Variants in GRPR observed in about 807,000 individuals in gnomAD.
GRPR encodes gastrin releasing peptide receptor.
In GRPR, 4 loss-of-function variants were observed where a neutral mutation model predicts 15.6. The ratio of observed to expected loss-of-function variants is 0.26; its 90% CI spans 0.13 to 0.59. The LOEUF (loss-of-function observed/expected upper bound fraction) is 0.59. GRPR is among the 20% of genes least tolerant of loss of function. The pLI is 0.90. For synonymous variants in GRPR, 128 were observed against 126.8 expected (o/e 1.01, Z -0.06); for missense variants, 270 against 304.1 (o/e 0.89, Z 0.83).
rs925139867 is a variant in GRPR at position 16,141,453 on chromosome X, C to G, written c.414-8852C>G. Among the ~76,000 whole-genome samples the G allele has an allele frequency of 5.0e-4, 56 of 112,194 alleles. 1 individual carries two copies. The highest frequency in any genetic ancestry group is 1.7e-3 in the African/African-American group (54 of 30,877). On this transcript the variant is annotated intron_variant, in intron 1 of 2. Coordinates refer to ENST00000380289, the MANE Select transcript of GRPR (RefSeq NM_005314.3). ...CTAGCCTTGTTCCAGCCTCTGGTTTCTAGTCCTTCACTGGTGCCATTTTTC... is the reference window on the plus strand; with the variant it reads ...CTAGCCTTGTTCCAGCCTCTGGTTTGTAGTCCTTCACTGGTGCCATTTTTC...
At position 16,124,231 on chromosome X, in the gene GRPR, G is replaced by C; in HGVS notation, c.278G>C (p.Cys93Ser). The change falls in exon 1 of 3, where the codon TGT becomes TCT. Residue 93 changes from cysteine to serine, a missense_variant. This residue lies in a region of GRPR where 115 missense variants were observed against 128.8 expected (regional missense o/e 0.89). Transcript: ENST00000380289. ...GGAGACCTGCTCCTCCTAATAACGT[G>C]TGCTCCAGTGGATGCCAGCAGGTAC... Reference protein sequence around the residue: ...ALGDLLLLITCAPVDASRYLA... With the variant: ...ALGDLLLLITSAPVDASRYLA... The C allele has an allele frequency of 8.3e-7, 1 of 1,210,385 alleles. No homozygotes were observed. The highest frequency in any genetic ancestry group is 1.7e-5 in the African/African-American group (1 of 57,709).
intron 1 of GRPR, 120 bp from the exon 2 acceptor site, chrX:16,150,185 G>A (rs902219115): frequency 1.3e-5 from 7 of 548,262 alleles, no homozygotes; most frequent in African/African-American, 4.6e-5. Context: ...CTCAGGACCC[G>A]AAAGTGAGCA....
chrX:16,149,197 A>C (rs1455733069), intron 1 of GRPR, among the ~76,000 whole-genome samples: 2 of 111,722 alleles, frequency 1.8e-5, no homozygotes, highest in Non-Finnish European at 3.8e-5. Flanking sequence ...GGACTGAGAG[A>C]TTTCCCAGGA....
At chrX:16,125,924 G>A (rs915923884) in intron 1 of GRPR, among the ~76,000 whole-genome samples, 1 of 111,589 alleles carries the variant, frequency 9.0e-6, no homozygotes, top group Admixed American at 9.5e-5. Flanking sequence ...TCTTCAGGAT[G>A]AGGGTAATTT....
chrX:16,134,814 A>G (rs1475974216), intron 1 of GRPR, among the ~76,000 whole-genome samples: 1 of 110,833 alleles, frequency 9.0e-6, no homozygotes, highest in Non-Finnish European at 1.9e-5. Context: ...CTGAATAACA[A>G]CTTCACGTTT....
chrX:16,152,870 A>G lies in GRPR; in HGVS notation c.*225A>G, dbSNP rs139715168. The G allele has an allele frequency of 7.2e-3, 2,995 of 417,615 alleles. 47 individuals are homozygous for G. Among genetic ancestry groups the G allele is most frequent in the African/African-American group, 0.06 (2,413 of 40,234 alleles). 34.4% of individuals were successfully genotyped at this position (417,615 alleles called of 1,213,427 possible). ...ACTTGTGAACGTTTCTTCTGATGTG[A>G]AGCAAACCTTCCCTTTTCAGAAAAG... On this transcript the variant is annotated 3_prime_UTR_variant, in exon 3 of 3. Coordinates refer to ENST00000380289, the MANE Select transcript of GRPR (RefSeq NM_005314.3).
chrX:16,130,945 A>G (rs1922367935), intron 1 of GRPR, among the ~76,000 whole-genome samples: 1 of 112,376 alleles, frequency 8.9e-6, no homozygotes, highest in Non-Finnish European at 1.9e-5. Flanking sequence ...TGTTGAAGTG[A>G]GGTTTCCCAG....
chrX:16,125,987 A>G (rs929858787), intron 1 of GRPR, among the ~76,000 whole-genome samples: 5 of 111,483 alleles, frequency 4.5e-5, no homozygotes, highest in African/African-American at 1.6e-4. Context: ...GCAGTGGTAC[A>G]GATGGTGTTT....
At chrX:16,146,676 G>A (rs762154460) in intron 1 of GRPR, among the ~76,000 whole-genome samples, 35 of 112,206 alleles carry the variant, frequency 3.1e-4, no homozygotes, top group African/African-American at 1.1e-3. Context: ...GAACTACCCT[G>A]TGGTGTCTCC....
intron 1 of GRPR, among the ~76,000 whole-genome samples, chrX:16,128,240 C>T (rs1014933915): frequency 1.8e-5 from 2 of 112,271 alleles, no homozygotes; most frequent in South Asian, 3.7e-4. Flanking sequence ...ATTGGCCGGG[C>T]GCAGTGGCTC....
chrX:16,125,305 T>G (rs1364706576), intron 1 of GRPR, among the ~76,000 whole-genome samples: 1 of 112,827 alleles, frequency 8.9e-6, no homozygotes, highest in Non-Finnish European at 1.9e-5. Context: ...ATACTTTATG[T>G]ACTTCTGTGT....
chrX:16,124,408 G>C (rs2147028668), intron 1 of GRPR, 42 bp downstream of exon 1: 1 of 1,118,284 alleles, frequency 8.9e-7, no homozygotes, highest in Non-Finnish European at 1.2e-6. Flanking sequence ...AAGGGTGATA[G>C]ACGCCTGGGT....
intron 1 of GRPR, among the ~76,000 whole-genome samples, chrX:16,144,269 C>A (rs1400615195): frequency 8.9e-6 from 1 of 111,764 alleles, no homozygotes; most frequent in Non-Finnish European, 1.9e-5. Flanking sequence ...CAGAAAAATT[C>A]TTGGTGCTAT....
chrX:16,142,340 G>A, intron 1 of GRPR, among the ~76,000 whole-genome samples: 1 of 111,848 alleles, frequency 8.9e-6, no homozygotes. Flanking sequence ...ACTTGTTTAT[G>A]AACTCTTGTA....
At chrX:16,144,354 G>T (rs1190125612) in intron 1 of GRPR, among the ~76,000 whole-genome samples, 1 of 111,827 alleles carries the variant, frequency 8.9e-6, no homozygotes, top group Non-Finnish European at 1.9e-5. Context: ...TTTAAGGCAG[G>T]CAATGTGTCA....
intron 1 of GRPR, among the ~76,000 whole-genome samples, chrX:16,147,500 G>A (rs1922626030): frequency 9.0e-6 from 1 of 111,247 alleles, no homozygotes; most frequent in Admixed American, 9.6e-5. Flanking sequence ...GTAATTATTC[G>A]TGTAGGATTT....
rs1922240879 is a variant in GRPR at position 16,123,669 on chromosome X, A to T, written c.-285A>T. 1 of 315,022 alleles carries T rather than the reference A, an allele frequency of 3.2e-6. No homozygotes were observed. Among genetic ancestry groups the T allele is most frequent in the South Asian group, 5.6e-5 (1 of 17,827 alleles). 26.0% of individuals were successfully genotyped at this position (315,022 alleles called of 1,213,427 possible). The stretch of plus-strand genomic sequence containing the variant: ...ATGGAGGTAGAAAGAACTGATGCAG[A>T]GTGGGTTTAATTCTAAGCCTTTTTG... On this transcript the variant is annotated 5_prime_UTR_variant, in exon 1 of 3. Transcript: ENST00000380289.
intron 1 of GRPR, among the ~76,000 whole-genome samples, chrX:16,145,909 C>A (rs1257145759): frequency 1.8e-5 from 2 of 111,926 alleles, no homozygotes; most frequent in Non-Finnish European, 3.8e-5. Context: ...TCATAAAAGT[C>A]AGACAGGTTG....
At chrX:16,152,034 CT>C (rs58339846) in intron 2 of GRPR, among the ~76,000 whole-genome samples, 4 of 109,413 alleles carry the variant, frequency 3.7e-5, no homozygotes, top group African/African-American at 1.3e-4. Flanking sequence ...GTTTCTGACT[CT>C]TTTTTTTTCC....
Sources: gnomAD v4.1 joint callset for allele counts (sites outside exome capture counted in the v4.1 genomes callset) on GRCh38, gnomAD v4.1.1 for gene constraint, gnomAD v4.1.1 regional missense constraint, MANE v1.5 for transcripts, NCBI Gene and HGNC (gene_info 2026-07-23, HGNC 2026-07-21) for gene names.